The following FAT3 variants were observed in gnomAD, a reference collection of about 807,000 sequenced individuals.
FAT3 encodes the protein FAT atypical cadherin 3.
Under a neutral mutation model 310.2 loss-of-function variants are expected in FAT3, and 95 were observed. The observed-to-expected ratio is 0.31, with a 90% CI of 0.26 to 0.36. The LOEUF (loss-of-function observed/expected upper bound fraction) is 0.36. Ranked by LOEUF, FAT3 falls within the 10% of genes least tolerant of loss-of-function variation. The pLI, the probability that FAT3 is intolerant of heterozygous loss-of-function variation, is 1.00. For synonymous variants in FAT3, 2,314 were observed against 2,192.9 expected (o/e 1.06, Z -1.54); for missense variants, 5,408 against 5,715.6 (o/e 0.95, Z 1.74).
At chr11:92,448,553 G>A (rs1170217572) in intron 2 of FAT3, among the ~76,000 whole-genome samples, 1 of 152,142 alleles carries the variant, frequency 6.6e-6, no homozygotes, top group Non-Finnish European at 1.5e-5. Flanking sequence ...ACATTTGCAG[G>A]CAGAGAACGA....
In FAT3 at chr11:92,882,873, G is replaced by T. The variant is rs1427104955; in HGVS notation, c.12417G>T (p.Val4139=). The T allele has an allele frequency of 1.9e-6, 3 of 1,612,292 alleles. No individual in the cohort carries two copies. In the African/African-American group the frequency reaches 4.0e-5, roughly 22 times the overall value. ...AGTACTGCGGGCTGCGCCCCGTGGTGGTACCCAATATCCAGGCTGGCCACT... is the reference window on the plus strand; with the variant it reads ...AGTACTGCGGGCTGCGCCCCGTGGTTGTACCCAATATCCAGGCTGGCCACT... The part of the protein sequence containing the change: ...VGQYCGLRPV[V]VPNIQAGHSY... The change falls in exon 24 of 28, where the codon GTG becomes GTT. Residue 4139 remains valine, a synonymous_variant. Coordinates refer to ENST00000525166, the MANE Select transcript of FAT3 (RefSeq NM_001367949.2).
chr11:92,396,996 C>A (rs1949884126), intron 2 of FAT3, among the ~76,000 whole-genome samples: 1 of 152,096 alleles, frequency 6.6e-6, no homozygotes, highest in Non-Finnish European at 1.5e-5. Flanking sequence ...CATGAGCCAC[C>A]ACGCCTTGGC....
chr11:92,329,876 G>A (rs1018725585), intron 1 of FAT3, among the ~76,000 whole-genome samples: 7 of 150,984 alleles, frequency 4.6e-5, no homozygotes, highest in Non-Finnish European at 8.8e-5. Context: ...AGAAACTGTC[G>A]GGGAGGAATG....
intron 13 of FAT3, among the ~76,000 whole-genome samples, chr11:92,816,597 T>A (rs1037976128): frequency 1.3e-5 from 2 of 152,096 alleles, no homozygotes; most frequent in Non-Finnish European, 2.9e-5. Flanking sequence ...CCACAGTGGG[T>A]CCCAAAGAGG....
At chr11:92,686,260 TCAAA>T (rs893448461) in intron 3 of FAT3, among the ~76,000 whole-genome samples, 2 of 152,182 alleles carry the variant, frequency 1.3e-5, no homozygotes, top group African/African-American at 4.8e-5. Flanking sequence ...TTTACTGCTC[TCAAA>T]TAAACACATA....
intron 7 of FAT3, among the ~76,000 whole-genome samples, chr11:92,787,466 G>A (rs1178606771): frequency 6.6e-6 from 1 of 150,634 alleles, no homozygotes; most frequent in Non-Finnish European, 1.5e-5. Flanking sequence ...CTAGTTGGTG[G>A]CACATCTACA....
rs79072921 is a variant in FAT3 at position 92,818,268 on chromosome 11, T to C, written c.9481+8192T>C. On this transcript the variant is annotated intron_variant, in intron 13 of 27. Transcript: ENST00000525166. ...AGTCTATAAGGGACTTTACTAAATA[T>C]ACTACCTTTGCACTGTGCCTCAAAA... Among the ~76,000 whole-genome samples, 77 of 152,110 alleles carry C rather than the reference T, an allele frequency of 5.1e-4. No homozygotes were observed. The East Asian group carries it at 0.014, about 28-fold the overall frequency.
intron 3 of FAT3, among the ~76,000 whole-genome samples, chr11:92,527,042 T>A (rs2135370151): frequency 6.6e-6 from 1 of 152,330 alleles, no homozygotes; most frequent in South Asian, 2.1e-4. Flanking sequence ...ATACTTATGA[T>A]ATAGCTAAAG....
intron 2 of FAT3, among the ~76,000 whole-genome samples, chr11:92,507,731 ATATATAGGAT>A (rs1953161151): frequency 6.6e-6 from 1 of 151,958 alleles, no homozygotes; most frequent in African/African-American, 2.4e-5. Flanking sequence ...GTATATGTAC[ATATATAGGAT>A]ACATACACAC....
At chr11:92,691,361 A>G (rs1389531985) in intron 3 of FAT3, among the ~76,000 whole-genome samples, 2 of 152,166 alleles carry the variant, frequency 1.3e-5, no homozygotes, top group Non-Finnish European at 2.9e-5. Context: ...GAAACACTGA[A>G]GAAGCTCCAG....
At chr11:92,293,520 ATAT>A (rs1439613396) in intron 1 of FAT3, among the ~76,000 whole-genome samples, 1 of 48,980 alleles carries the variant, frequency 2.0e-5, no homozygotes, top group Non-Finnish European at 3.9e-5. Context: ...GATTATATAT[ATAT>A]ATATATATAT....
At chr11:92,729,290 T>C (rs1945098025) in intron 4 of FAT3, among the ~76,000 whole-genome samples, 1 of 152,150 alleles carries the variant, frequency 6.6e-6, no homozygotes, top group Admixed American at 6.5e-5. Flanking sequence ...TTGGTGTGGC[T>C]ACATGCAGGA....
chr11:92,795,091 C>G (rs188741138), intron 9 of FAT3, among the ~76,000 whole-genome samples: 24 of 152,178 alleles, frequency 1.6e-4, no homozygotes, highest in Non-Finnish European at 2.6e-4. Context: ...TTATTTTGGC[C>G]TGAAGGACTG....
At chr11:92,869,065 T>C (rs1265428008) in intron 22 of FAT3, among the ~76,000 whole-genome samples, 1 of 152,204 alleles carries the variant, frequency 6.6e-6, no homozygotes, top group African/African-American at 2.4e-5. Flanking sequence ...TGATTGGGCA[T>C]TGGATCAGGA....
At chr11:92,713,482 G>T (rs1037083012) in intron 4 of FAT3, among the ~76,000 whole-genome samples, 2 of 152,114 alleles carry the variant, frequency 1.3e-5, no homozygotes, top group Non-Finnish European at 2.9e-5. Context: ...AGTAAGCCAG[G>T]ATTCTGAAAC....
chr11:92,583,745 T>C (rs935448258), intron 3 of FAT3, among the ~76,000 whole-genome samples: 5 of 152,044 alleles, frequency 3.3e-5, no homozygotes, highest in African/African-American at 1.2e-4. Context: ...GCTGATGTTC[T>C]GTTTGTTTAA....
At chr11:92,810,649 T>G (rs1947643233) in intron 13 of FAT3, among the ~76,000 whole-genome samples, 1 of 151,794 alleles carries the variant, frequency 6.6e-6, no homozygotes. Flanking sequence ...TTTGACAGAG[T>G]GGGGGTGGGG....
intron 3 of FAT3, among the ~76,000 whole-genome samples, chr11:92,692,519 T>G (rs188000016): frequency 2.2e-4 from 34 of 152,366 alleles, no homozygotes; most frequent in Non-Finnish European, 5.9e-5. Flanking sequence ...AGTTGTGGGC[T>G]TAGTTGTGTT....
At chr11:92,741,988 A>G (rs910335068) in intron 4 of FAT3, among the ~76,000 whole-genome samples, 1 of 152,226 alleles carries the variant, frequency 6.6e-6, no homozygotes, top group African/African-American at 2.4e-5. Context: ...TCACCAATGC[A>G]AGGCCTTGTT....
Sources: gnomAD v4.1 joint callset for allele counts (sites outside exome capture counted in the v4.1 genomes callset) on GRCh38, gnomAD v4.1.1 for gene constraint, MANE v1.5 for transcripts, NCBI Gene and HGNC (gene_info 2026-07-23, HGNC 2026-07-21) for gene names.